The following LGI2 variants were observed in gnomAD, a reference collection of about 807,000 sequenced individuals.
The protein encoded by LGI2 is leucine rich repeat LGI family member 2.
In LGI2, 30 loss-of-function variants were observed where a neutral mutation model predicts 52.0. The observed-to-expected ratio is 0.58, with a 90% CI of 0.43 to 0.78. LGI2 has a LOEUF of 0.78. Ranked by LOEUF, LGI2 falls within the 30% of genes least tolerant of loss-of-function variation. The probability of loss-of-function intolerance (pLI) is 0.00; values close to 1 mark genes in which losing one functional copy is unlikely to be tolerated. For synonymous variants in LGI2, 270 were observed against 271.8 expected (o/e 0.99, Z 0.06); for missense variants, 573 against 692.5 (o/e 0.83, Z 1.94).
chr4:25,012,807 A>G (rs962247149), intron 6 of LGI2, among the ~76,000 whole-genome samples: 1 of 152,236 alleles, frequency 6.6e-6, no homozygotes, highest in Non-Finnish European at 1.5e-5. Context: ...TGGCTTTCAA[A>G]GTGGTAAGAC....
At position 25,030,798 on chromosome 4, in the gene LGI2, C is replaced by T; in HGVS notation, c.-105G>A. On this transcript the variant is annotated 5_prime_UTR_variant, in exon 1 of 8. Transcript: ENST00000382114. ...GGCGCCGCTCGCTGCTCTGCCGCCG[C>T]CGCTGCTGGCGAGGACTAGGGAGCC... 2 of 587,986 alleles carry T rather than the reference C, an allele frequency of 3.4e-6. No individual in the cohort carries two copies. Among genetic ancestry groups the T allele is most frequent in the Non-Finnish European group, 2.2e-6 (1 of 462,532 alleles). 36.4% of individuals were successfully genotyped at this position (587,986 alleles called of 1,614,324 possible). A position where few individuals can be genotyped will look rare whatever the true frequency, so the allele number is the denominator to read the frequency against.
chr4:25,024,949 A>G, intron 3 of LGI2, 58 bp from the exon 4 acceptor site: 1 of 1,123,810 alleles, frequency 8.9e-7, no homozygotes, highest in Non-Finnish European at 1.3e-6. Context: ...TCCCAAAAAA[A>G]CTATGTTGGT....
intron 1 of LGI2, among the ~76,000 whole-genome samples, chr4:25,029,695 C>G (rs1560296554): frequency 6.6e-6 from 1 of 152,206 alleles, no homozygotes; most frequent in African/African-American, 2.4e-5. Flanking sequence ...AATGTGAAGC[C>G]CTTTCCTGTC....
intron 2 of LGI2, 126 bp from the exon 3 acceptor site, chr4:25,027,065 C>A: frequency 1.4e-6 from 1 of 706,694 alleles, no homozygotes; most frequent in Non-Finnish European, 2.5e-6. Flanking sequence ...CCTAAGGAGA[C>A]CACATTTTGT....
intron 7 of LGI2, among the ~76,000 whole-genome samples, chr4:25,006,267 C>T (rs1177675097): frequency 3.4e-5 from 2 of 59,280 alleles, no homozygotes; most frequent in Non-Finnish European, 7.4e-5. Flanking sequence ...ACCCAGATGC[C>T]CCCCAGACCT....
At position 25,026,988 on chromosome 4, in the gene LGI2, C is replaced by T. The variant is rs748649784; in HGVS notation, c.270-49G>A. On this transcript the variant is annotated intron_variant, in intron 2 of 7. Coordinates refer to ENST00000382114, the MANE Select transcript of LGI2 (RefSeq NM_018176.4). ...ATGGAGAGATGTAAAACTTGAGTCA[C>T]ATGGTAAAGCCATTTCTCTTTCCTT... 8 of 1,354,478 alleles carry T rather than the reference C, an allele frequency of 5.9e-6. No individual in the cohort carries two copies. The African/African-American group carries it at 7.2e-5, about 12-fold the overall frequency. The allele number at this position is 1,354,478 out of a possible 1,614,324, so 83.9% of individuals were successfully genotyped here. A position where few individuals can be genotyped will look rare whatever the true frequency, so the allele number is the denominator to read the frequency against.
At chr4:25,025,612 T>G (rs1726121124) in intron 3 of LGI2, among the ~76,000 whole-genome samples, 1 of 152,202 alleles carries the variant, frequency 6.6e-6, no homozygotes, top group African/African-American at 2.4e-5. Context: ...TTGATGTGAA[T>G]TCACTACGAC....
intron 4 of LGI2, among the ~76,000 whole-genome samples, chr4:25,020,489 G>T (rs1022002523): frequency 2.0e-5 from 3 of 152,204 alleles, no homozygotes; most frequent in Non-Finnish European, 4.4e-5. Context: ...ACTCTAATGT[G>T]AGTCAGCCAA....
At chr4:25,027,416 T>C (rs1267589139) in intron 2 of LGI2, among the ~76,000 whole-genome samples, 3 of 146,868 alleles carry the variant, frequency 2.0e-5, no homozygotes, top group African/African-American at 5.1e-5. Context: ...AAAAAAAGTT[T>C]GTTTAAGAAA....
intron 5 of LGI2, 91 bp downstream of exon 5, chr4:25,019,075 GA>G: frequency 1.2e-6 from 1 of 803,248 alleles, no homozygotes; most frequent in Middle Eastern, 2.2e-4. Context: ...CAGCATAAAA[GA>G]AATGCATAAA....
chr4:25,026,924 G>A lies in LGI2; in HGVS notation c.285C>T (p.Asn95=), dbSNP rs751495951. 3.7e-6 allele frequency: 6 copies of A among 1,613,072 alleles called. No individual in the cohort carries two copies. In the African/African-American group the frequency reaches 5.3e-5, roughly 14 times the overall value. ...CATCATCCCGGATGATCGTGAATGA[G>A]TTAGAATTCAGCAATCTGAAAGTAA... The part of the protein sequence containing the change: ...PSLQLLLLNS[N]SFTIIRDDAF... The change falls in exon 3 of 8, where the codon AAC becomes AAT. Residue 95 remains asparagine (N), a synonymous_variant. Transcript: ENST00000382114.
chr4:25,017,209 C>G (rs751831357), intron 6 of LGI2, among the ~76,000 whole-genome samples: 51 of 152,098 alleles, frequency 3.4e-4, no homozygotes, highest in Non-Finnish European at 5.3e-4. Flanking sequence ...CTAGTTATCT[C>G]TTCTTACATG....
intron 6 of LGI2, among the ~76,000 whole-genome samples, chr4:25,013,451 C>G (rs1163889085): frequency 6.6e-6 from 1 of 152,166 alleles, no homozygotes; most frequent in African/African-American, 2.4e-5. Context: ...GGTACCTTCC[C>G]ATCCCCAAGT....
At position 25,000,750 on chromosome 4, in the gene LGI2, A is replaced by G. The variant is rs1157074549; in HGVS notation, c.*2701T>C. 1 of 152,214 alleles carries G rather than the reference A, an allele frequency of 6.6e-6. No individual in the cohort carries two copies. The highest frequency in any genetic ancestry group is 6.5e-5 in the Admixed American group (1 of 15,286). The allele number at this position is 152,214 out of a possible 1,614,324, so 9.4% of individuals were successfully genotyped here. On this transcript the variant is annotated 3_prime_UTR_variant, in exon 8 of 8. Coordinates refer to ENST00000382114, the MANE Select transcript of LGI2 (RefSeq NM_018176.4). ...GAAGAAAGATCCACCCCCTCCTTCAAGCTGATCTCCACTGGGGACGGTCCA... is the reference window on the plus strand; with the variant it reads ...GAAGAAAGATCCACCCCCTCCTTCAGGCTGATCTCCACTGGGGACGGTCCA...
chr4:25,003,337 A>G lies in LGI2; in HGVS notation c.*114T>C. On this transcript the variant is annotated 3_prime_UTR_variant, in exon 8 of 8. Coordinates refer to ENST00000382114, the MANE Select transcript of LGI2 (RefSeq NM_018176.4). ...AAGTTTGAAAACATCTAACTATTTC[A>G]GTGCTTTTTAATTTCAGAGCTCTGA... The G allele has an allele frequency of 1.3e-6, 1 of 740,802 alleles. No individual in the cohort carries two copies. The highest frequency in any genetic ancestry group is 2.2e-6 in the Non-Finnish European group (1 of 462,602). The allele number at this position is 740,802 out of a possible 1,614,324, so 45.9% of individuals were successfully genotyped here. A position where few individuals can be genotyped will look rare whatever the true frequency, so the allele number is the denominator to read the frequency against.
At chr4:25,029,609 C>T (rs1282158343) in intron 1 of LGI2, among the ~76,000 whole-genome samples, 1 of 152,256 alleles carries the variant, frequency 6.6e-6, no homozygotes, top group Non-Finnish European at 1.5e-5. Flanking sequence ...TTCCACCGCC[C>T]TTGTGAGAGC....
At chr4:24,992,517 C>A in the LGI2 span, among the ~76,000 whole-genome samples, 3 of 151,568 alleles carry the variant, frequency 2.0e-5, no homozygotes, top group Non-Finnish European at 2.9e-5. Flanking sequence ...AGTTTGAGAC[C>A]AGCCTGGCCA....
Position 25,004,586 on chromosome 4 carries a change from G to A in LGI2, c.821-318C>T, listed in dbSNP as rs1009328467. 5.3e-5 allele frequency among the ~76,000 whole-genome samples: 8 copies of A among 152,136 alleles called. No individual in the cohort carries two copies. Among genetic ancestry groups the A allele is most frequent in the African/African-American group, 1.4e-4 (6 of 41,438 alleles). On this transcript the variant is annotated intron_variant, in intron 7 of 7. Coordinates refer to ENST00000382114, the MANE Select transcript of LGI2 (RefSeq NM_018176.4). This position sits in a 1 kb window ranked among gnomAD's most constrained non-coding sequence, Gnocchi z 4.6. Reference sequence around the variant, plus strand: ...CCAATGTGATGGTATTTGGTGGTGGGGCCTTTGGGAGGTGATTAGGTCATG... The same window carrying A: ...CCAATGTGATGGTATTTGGTGGTGGAGCCTTTGGGAGGTGATTAGGTCATG...
At chr4:25,010,969 C>T (rs758446976) in intron 7 of LGI2, among the ~76,000 whole-genome samples, 8 of 151,848 alleles carry the variant, frequency 5.3e-5, no homozygotes, top group Non-Finnish European at 8.8e-5. Context: ...GTAGTCCCAG[C>T]TACTTGGGAG....
Sources: gnomAD v4.1 joint callset for allele counts (sites outside exome capture counted in the v4.1 genomes callset) on GRCh38, gnomAD v4.1.1 for gene constraint, Gnocchi (gnomAD v3.1) non-coding constraint, MANE v1.5 for transcripts, NCBI Gene and HGNC (gene_info 2026-07-23, HGNC 2026-07-21) for gene names.